Variants in RAPGEF3 observed in about 807,000 individuals in gnomAD.
RAPGEF3 encodes 9330170P05Rik.
RAPGEF3 carries 103 observed loss-of-function variants against 129.8 expected under a neutral mutation model. That is an observed-to-expected ratio of 0.79 (90% CI 0.68 to 0.93). The LOEUF (loss-of-function observed/expected upper bound fraction) is 0.93. RAPGEF3 is among the 40% of genes least tolerant of loss of function. RAPGEF3 has a pLI of 0.00. For missense variants in RAPGEF3, 1,117 were observed against 1,207.4 expected (o/e 0.93, Z 1.11); for synonymous variants, 436 against 482.6 (o/e 0.90, Z 1.26).
rs1458331326 is a variant in RAPGEF3, at chr12:47,741,374, G to C, written c.1923+131C>G. ...TCAGCTGAGGCCCACTCCTTTGTGT[G>C]CTGAGGACCCAGCAGCAGCCAGAGC... On this transcript the variant is annotated intron_variant, in intron 19 of 27. Transcript: ENST00000449771. 1.0e-5 allele frequency: 9 copies of C among 882,138 alleles called. No homozygotes were observed. The African/African-American group carries it at 1.5e-4, about 15-fold the overall frequency. The allele number at this position is 882,138 out of a possible 1,614,324, so 54.6% of individuals were successfully genotyped here.
intron 27 of RAPGEF3, 119 bp from the exon 28 acceptor site, chr12:47,737,804 C>T: frequency 8.8e-7 from 1 of 1,137,378 alleles, no homozygotes; most frequent in Non-Finnish European, 1.3e-6. Flanking sequence ...AACCACTTCC[C>T]ATCACCAATT....
intron 2 of RAPGEF3, among the ~76,000 whole-genome samples, chr12:47,757,137 G>C (rs558721334): frequency 9.8e-5 from 15 of 152,304 alleles, no homozygotes; most frequent in Middle Eastern, 6.8e-3. Context: ...GACACACGCA[G>C]TGGAGACATA....
chr12:47,757,022 A>T (rs181351765), intron 2 of RAPGEF3, among the ~76,000 whole-genome samples: 3 of 152,150 alleles, frequency 2.0e-5, no homozygotes, highest in Admixed American at 2.0e-4. Context: ...GGCCAAGCGC[A>T]GTGGGTCACG....
At position 47,744,142 on chromosome 12, in the gene RAPGEF3, TC is replaced by T. The variant is rs1474219311; in HGVS notation, c.1597-75del. ...GACCGTGGAGGGAGGGATTGTGAGG[TC>T]CCTGTGTCACCAGGAGCACGGGCGC... On this transcript the variant is annotated intron_variant, in intron 16 of 27. Transcript: ENST00000449771. 4.0e-6 allele frequency: 5 copies of T among 1,252,184 alleles called. No individual in the cohort carries two copies. The African/African-American group carries it at 7.5e-5, about 19-fold the overall frequency. The allele number at this position is 1,252,184 out of a possible 1,614,324, so 77.6% of individuals were successfully genotyped here.
chr12:47,743,890 G>T, intron 17 of RAPGEF3, 97 bp downstream of exon 17: 1 of 1,425,494 alleles, frequency 7.0e-7, no homozygotes, highest in Non-Finnish European at 9.8e-7. Flanking sequence ...CCTTGGCCCA[G>T]GCACACCGAG....
Position 47,738,059 on chromosome 12 carries a change from GT to G in RAPGEF3, c.2615del (p.His872ProfsTer19), listed in dbSNP as rs1368061893. The G allele has an allele frequency of 6.2e-7, 1 of 1,614,176 alleles. No homozygotes were observed. Among genetic ancestry groups the G allele is most frequent in the South Asian group, 1.1e-5 (1 of 91,076 alleles). ...TCGCCACCTGGCTGTCCTCGTGGAG[GT>G]GGGAAACTCGGCTTCTGAGTGGTGA... ...PLSPLRSRVS[H>X]LHEDSQVARI... is the part of the protein sequence containing the mutation. On this transcript the variant is annotated frameshift_variant, in exon 27 of 28. Transcript: ENST00000449771. LOFTEE classifies it high-confidence loss of function.
At chr12:47,739,733 G>T (rs932184273) in intron 23 of RAPGEF3, 4 of 361,760 alleles carry the variant, frequency 1.1e-5, no homozygotes, top group Non-Finnish European at 2.1e-5. Flanking sequence ...GGTCTAGCCC[G>T]CAAGCCCCTC....
Position 47,744,064 on chromosome 12 carries a change from C to A in RAPGEF3, c.1601G>T (p.Arg534Leu). The change falls in exon 17 of 28, where the codon CGG becomes CTG. Residue 534 changes from arginine to leucine, a missense_variant. By Grantham distance (102) the Arg-to-Leu change is moderately radical. Coordinates refer to ENST00000449771, the MANE Select transcript of RAPGEF3 (RefSeq NM_001098531.4). ...GTTGGGGAGCCAAACAGGCAAGTTC[C>A]GGGCCTGGGAGGAAGAGGAACGAGA... ...CGNASPQMKA[R>L]NLPVWLPNQD... 1 of 1,601,500 alleles carries A rather than the reference C, an allele frequency of 6.2e-7. No individual in the cohort carries two copies.
intron 2 of RAPGEF3, among the ~76,000 whole-genome samples, chr12:47,752,976 A>G (rs1941841372): frequency 6.6e-6 from 1 of 151,796 alleles, no homozygotes; most frequent in African/African-American, 2.4e-5. Context: ...GCCCCTCACG[A>G]CCCTTCTCTT....
intron 23 of RAPGEF3, chr12:47,739,568 C>T (rs944738119): frequency 2.0e-6 from 1 of 494,316 alleles, no homozygotes; most frequent in Non-Finnish European, 3.7e-6. Context: ...ATCCCTTGAG[C>T]CCCACGAGGT....
chr12:47,741,409 C>G, intron 19 of RAPGEF3, 96 bp downstream of exon 19: 1 of 1,211,846 alleles, frequency 8.3e-7, no homozygotes, highest in Non-Finnish European at 1.2e-6. Context: ...CCAGGCCCCT[C>G]CTCCCTCTTC....
chr12:47,754,615 G>T (rs887131019), intron 2 of RAPGEF3, among the ~76,000 whole-genome samples: 5 of 152,170 alleles, frequency 3.3e-5, no homozygotes, highest in African/African-American at 1.2e-4. Context: ...AGGGTTATGA[G>T]GATCAAAAAG....
Position 47,740,160 on chromosome 12 carries a change from G to T in RAPGEF3, c.2354C>A (p.Ser785Tyr), listed in dbSNP as rs370847369. The T allele has an allele frequency of 4.0e-5, 65 of 1,613,388 alleles. No individual in the cohort carries two copies. Among genetic ancestry groups the T allele is most frequent in the Non-Finnish European group, 5.3e-5 (63 of 1,179,868 alleles). The change falls in exon 23 of 28, where the codon TCC becomes TAC. Residue 785 changes from serine to tyrosine, a missense_variant. By Grantham distance (144) the Ser-to-Tyr change is moderately radical (BLOSUM62 -2). Transcript: ENST00000449771. Reference sequence around the variant, plus strand: ...ACTCACCAGCAGCCTCTCGAGGGCGGAGTACAGCTTCCGGACTTTGTGAGG... The same window carrying T: ...ACTCACCAGCAGCCTCTCGAGGGCGTAGTACAGCTTCCGGACTTTGTGAGG... ...RLPHKVRKLY[S>Y]ALERLLDPSW...
chr12:47,753,889 C>A, intron 2 of RAPGEF3: 1 of 152,360 alleles, frequency 6.6e-6, no homozygotes. Flanking sequence ...TGGTCATTTC[C>A]TGTCCTCCCC....
At chr12:47,746,659 T>G in intron 16 of RAPGEF3, 1 of 727,920 alleles carries the variant, frequency 1.4e-6, no homozygotes, top group East Asian at 2.7e-5. Context: ...GGAGGCCACC[T>G]TAGGCCTCTG....
chr12:47,751,469 A>G lies in RAPGEF3; in HGVS notation c.432T>C (p.Leu144=), dbSNP rs200821291. The G allele has an allele frequency of 2.6e-4, 416 of 1,614,040 alleles. 1 individual carries two copies. The highest frequency in any genetic ancestry group is 2.9e-4 in the Non-Finnish European group (343 of 1,180,018). ...ELVDGILALG[L]GVHSRSQVVG... ...CAACTTGGCTCCGGGAATGGACCCC[A>G]AGTCCCAGGGCCAAGATCCCATCCA... Residue 144 remains leucine, a synonymous_variant, in exon 5 of 28, where the codon CTT becomes CTC. Coordinates refer to ENST00000449771, the MANE Select transcript of RAPGEF3 (RefSeq NM_001098531.4).
At chr12:47,744,296 C>T (rs1055538177) in intron 16 of RAPGEF3, 23 of 566,696 alleles carry the variant, frequency 4.1e-5, no homozygotes, top group East Asian at 2.1e-4. Flanking sequence ...CATGCCCCTC[C>T]GTGTGTGTGT....
chr12:47,738,001 C>T (rs1315722488), intron 27 of RAPGEF3, 21 bp downstream of exon 27: 6 of 1,610,242 alleles, frequency 3.7e-6, no homozygotes, highest in Admixed American at 1.7e-5. Flanking sequence ...CCCTGCCCAC[C>T]CACCATCGCC....
At chr12:47,753,506 G>A (rs1188652872) in intron 2 of RAPGEF3, among the ~76,000 whole-genome samples, 3 of 152,248 alleles carry the variant, frequency 2.0e-5, no homozygotes, top group African/African-American at 7.2e-5. Flanking sequence ...GGTCTGGCAT[G>A]TGCAGGCGCC....
Sources: allele counts gnomAD v4.1 joint callset (sites outside exome capture counted in the v4.1 genomes callset), GRCh38; gene constraint gnomAD v4.1.1; transcripts MANE v1.5; gene names NCBI Gene and HGNC (gene_info 2026-07-23, HGNC 2026-07-21).